Variants in KCNIP4 observed in about 807,000 individuals in gnomAD.
KCNIP4 encodes the protein Kv channel-interacting protein 4.
Under a neutral mutation model 34.0 loss-of-function variants are expected in KCNIP4, and 12 were observed. That is an observed-to-expected ratio of 0.35 (90% CI 0.23 to 0.57). The LOEUF is 0.57. Ranked by LOEUF, KCNIP4 falls within the 20% of genes least tolerant of loss-of-function variation. The pLI, the probability that KCNIP4 is intolerant of heterozygous loss-of-function variation, is 0.83. For synonymous variants in KCNIP4, 124 were observed against 102.2 expected, an observed-to-expected ratio of 1.21 and a Z score of -1.29; for missense variants, 238 against 311.7, an observed-to-expected ratio of 0.76 and a Z score of 1.78.
intron 1 of KCNIP4, among the ~76,000 whole-genome samples, chr4:21,043,393 G>A (rs566779941): frequency 1.3e-5 from 2 of 152,212 alleles, no homozygotes; most frequent in South Asian, 2.1e-4. Context: ...GCATTGGTGC[G>A]ATCTCAACAC....
chr4:21,231,308 T>C (rs1758773214), intron 1 of KCNIP4, among the ~76,000 whole-genome samples: 1 of 152,226 alleles, frequency 6.6e-6, no homozygotes, highest in Admixed American at 6.5e-5. Context: ...AATATTGTTT[T>C]ATCACATTTT....
intron 1 of KCNIP4, among the ~76,000 whole-genome samples, chr4:21,448,166 T>G (rs2109733880): frequency 6.6e-6 from 1 of 152,256 alleles, no homozygotes; most frequent in South Asian, 2.1e-4. Flanking sequence ...AGAAAAAGTC[T>G]AGATTACTTA....
intron 1 of KCNIP4, among the ~76,000 whole-genome samples, chr4:21,111,375 C>T (rs796428758): frequency 3.3e-5 from 5 of 152,234 alleles, no homozygotes; most frequent in African/African-American, 1.2e-4. Flanking sequence ...CAAGATTCCA[C>T]AGGACTAAAT....
intron 1 of KCNIP4, among the ~76,000 whole-genome samples, chr4:21,312,275 G>A (rs1043809833): frequency 7.2e-5 from 11 of 152,132 alleles, no homozygotes; most frequent in African/African-American, 1.7e-4. Flanking sequence ...GTATTGACTC[G>A]TGGTGCTCAA....
At chr4:21,208,037 T>C (rs1236583684) in intron 1 of KCNIP4, among the ~76,000 whole-genome samples, 3 of 151,870 alleles carry the variant, frequency 2.0e-5, no homozygotes, top group Non-Finnish European at 4.4e-5. Flanking sequence ...GATACGGGGT[T>C]GTGCCATGTT....
intron 1 of KCNIP4, among the ~76,000 whole-genome samples, chr4:21,438,798 T>TA (rs1274195722): frequency 7.9e-5 from 12 of 152,136 alleles, no homozygotes; most frequent in Admixed American, 2.6e-4. Flanking sequence ...AACATTGCTT[T>TA]AAAAAAACAA....
chr4:20,823,027 C>T (rs1260934858), intron 3 of KCNIP4, among the ~76,000 whole-genome samples: 2 of 152,184 alleles, frequency 1.3e-5, no homozygotes, highest in Non-Finnish European at 2.9e-5. Context: ...TCACCAGACA[C>T]TTGATCTGCC....
intron 1 of KCNIP4, among the ~76,000 whole-genome samples, chr4:21,550,343 G>C (rs1054786950): frequency 1.3e-5 from 2 of 152,070 alleles, no homozygotes; most frequent in Non-Finnish European, 2.9e-5. Context: ...CAGTCAAAGA[G>C]GGTAAACTAC....
chr4:21,066,673 T>C (rs1396889607), intron 1 of KCNIP4, among the ~76,000 whole-genome samples: 1 of 152,160 alleles, frequency 6.6e-6, no homozygotes, highest in African/African-American at 2.4e-5. Flanking sequence ...AAGTCAGCCT[T>C]CATCCACAGA....
At chr4:21,380,453 G>GAGGGAC (rs1721384144) in intron 1 of KCNIP4, among the ~76,000 whole-genome samples, 1 of 135,028 alleles carries the variant, frequency 7.4e-6, no homozygotes, top group Non-Finnish European at 1.7e-5. Context: ...GGGAGAGGGA[G>GAGGGAC]AGGGGGAGAG....
At chr4:21,235,942 T>C (rs777413493) in intron 1 of KCNIP4, among the ~76,000 whole-genome samples, 4 of 152,012 alleles carry the variant, frequency 2.6e-5, no homozygotes, top group African/African-American at 4.8e-5. Context: ...ATTGAACATA[T>C]CAGTTGGAAA....
chr4:21,021,859 CGTATAGTATAGTATAGTATA>C (rs148164124), intron 1 of KCNIP4, among the ~76,000 whole-genome samples: 72 of 145,928 alleles, frequency 4.9e-4, no homozygotes, highest in Admixed American at 2.8e-3. Flanking sequence ...AGTATAGTAT[CGTATAGTATAGTATAGTATA>C]GTATAGTATA....
chr4:21,418,243 G>C (rs2109616222), intron 1 of KCNIP4, among the ~76,000 whole-genome samples: 1 of 152,246 alleles, frequency 6.6e-6, no homozygotes, highest in East Asian at 1.9e-4. Flanking sequence ...TCACAGAGCA[G>C]CCTGCATCCG....
At chr4:21,543,200 A>G (rs1381037625) in intron 1 of KCNIP4, among the ~76,000 whole-genome samples, 1 of 152,100 alleles carries the variant, frequency 6.6e-6, no homozygotes, top group Non-Finnish European at 1.5e-5. Flanking sequence ...TCTATCTTCT[A>G]TACTAAAAGT....
intron 1 of KCNIP4, among the ~76,000 whole-genome samples, chr4:21,538,611 C>T (rs551839394): frequency 6.6e-6 from 1 of 152,240 alleles, no homozygotes; most frequent in South Asian, 2.1e-4. Context: ...TCCTTTTCCC[C>T]CCAATATTTT....
chr4:20,962,828 T>C (rs949138936), intron 1 of KCNIP4, among the ~76,000 whole-genome samples: 1 of 152,164 alleles, frequency 6.6e-6, no homozygotes, highest in Non-Finnish European at 1.5e-5. Context: ...AATTGTGAAA[T>C]CTCTAAAAGC....
intron 1 of KCNIP4, among the ~76,000 whole-genome samples, chr4:21,925,630 C>T (rs916029223): frequency 1.3e-5 from 2 of 152,116 alleles, no homozygotes; most frequent in African/African-American, 4.8e-5. Flanking sequence ...CTATTGTCTG[C>T]CTAACTCTCA....
chr4:21,756,265 A>G (rs2109154615), intron 1 of KCNIP4, among the ~76,000 whole-genome samples: 1 of 152,260 alleles, frequency 6.6e-6, no homozygotes. Flanking sequence ...ATTATAAGAA[A>G]TATCTGTTGG....
intron 1 of KCNIP4, among the ~76,000 whole-genome samples, chr4:21,536,496 C>T (rs1005734890): frequency 7.4e-6 from 1 of 134,950 alleles, no homozygotes; most frequent in African/African-American, 2.8e-5. Context: ...ATGGTTAACA[C>T]GTCAGGGCAC....
Sources: allele counts gnomAD v4.1 joint callset (sites outside exome capture counted in the v4.1 genomes callset), GRCh38; gene constraint gnomAD v4.1.1; transcripts MANE v1.5; gene names NCBI Gene and HGNC (gene_info 2026-07-23, HGNC 2026-07-21).